ARHGAP28: variants seen among roughly 807,000 people sequenced by gnomAD.
ARHGAP28 encodes the protein rho GTPase-activating protein 28.
A neutral mutation model predicts 90.7 loss-of-function variants in ARHGAP28; 56 were observed. The ratio of observed to expected loss-of-function variants is 0.62; its 90% CI spans 0.50 to 0.77. ARHGAP28 has a LOEUF of 0.77. ARHGAP28 is among the 30% of genes least tolerant of loss of function. The pLI, the probability that ARHGAP28 is intolerant of heterozygous loss-of-function variation, is 0.00. For missense variants in ARHGAP28, 869 were observed against 900.9 expected (o/e 0.96, Z 0.45); for synonymous variants, 308 against 323.3 (o/e 0.95, Z 0.51).
At chr18:6,848,106 T>A (rs1176678052) in intron 3 of ARHGAP28, among the ~76,000 whole-genome samples, 1 of 152,110 alleles carries the variant, frequency 6.6e-6, no homozygotes, top group East Asian at 1.9e-4. Context: ...TCAGTATAAG[T>A]CATATTGTTT....
chr18:6,906,679 T>A (rs1016896169), intron 16 of ARHGAP28, among the ~76,000 whole-genome samples: 9 of 152,154 alleles, frequency 5.9e-5, no homozygotes, highest in African/African-American at 2.2e-4. Context: ...TATAAAACCC[T>A]TAGAAAATAA....
intron 3 of ARHGAP28, among the ~76,000 whole-genome samples, chr18:6,839,432 T>C (rs1296435389): frequency 6.6e-6 from 1 of 152,050 alleles, no homozygotes; most frequent in South Asian, 2.1e-4. Flanking sequence ...TAACTGGGAC[T>C]ATAGGCGCCA....
At chr18:6,794,486 C>T (rs904308656) in intron 1 of ARHGAP28, among the ~76,000 whole-genome samples, 3 of 152,216 alleles carry the variant, frequency 2.0e-5, no homozygotes, top group Admixed American at 1.3e-4. Flanking sequence ...GGTAACAATG[C>T]GCATTACTGC....
chr18:6,814,133 C>T (rs77537875), intron 1 of ARHGAP28, among the ~76,000 whole-genome samples: 3,855 of 152,180 alleles, frequency 0.025, 165 homozygotes, highest in African/African-American at 0.087. Context: ...AAGGTTGATA[C>T]GCCTTCATTC....
intron 4 of ARHGAP28, among the ~76,000 whole-genome samples, chr18:6,852,243 C>T (rs1235596362): frequency 6.6e-6 from 1 of 152,170 alleles, no homozygotes; most frequent in Admixed American, 6.5e-5. Flanking sequence ...AAAATGTTTA[C>T]AGTCCAATCT....
At chr18:6,780,817 G>A (rs1600176860) in intron 1 of ARHGAP28, among the ~76,000 whole-genome samples, 2 of 151,744 alleles carry the variant, frequency 1.3e-5, no homozygotes, top group African/African-American at 4.8e-5. Flanking sequence ...TCTTGAACCC[G>A]GGAGGTGGAG....
chr18:6,899,043 T>G (rs184542249), intron 16 of ARHGAP28, among the ~76,000 whole-genome samples: 2 of 152,268 alleles, frequency 1.3e-5, no homozygotes, highest in Admixed American at 1.3e-4. Context: ...GAAAAAACTT[T>G]TAAAATAATA....
intron 2 of ARHGAP28, among the ~76,000 whole-genome samples, chr18:6,829,252 T>C (rs2056697463): frequency 6.6e-6 from 1 of 152,228 alleles, no homozygotes; most frequent in South Asian, 2.1e-4. Context: ...TCTATCCAGC[T>C]AGCTAGCTAT....
intron 17 of ARHGAP28, among the ~76,000 whole-genome samples, chr18:6,910,659 T>C (rs377641100): frequency 2.0e-5 from 3 of 152,024 alleles, no homozygotes; most frequent in African/African-American, 7.2e-5. Context: ...CTCATGTTCT[T>C]ATCACCAGTG....
chr18:6,858,009 A>C (rs2056967402), intron 4 of ARHGAP28, among the ~76,000 whole-genome samples: 1 of 152,126 alleles, frequency 6.6e-6, no homozygotes, highest in South Asian at 2.1e-4. Flanking sequence ...CTAATGAGGG[A>C]GATAAAAGCT....
intron 1 of ARHGAP28, among the ~76,000 whole-genome samples, chr18:6,824,226 C>A (rs1052904013): frequency 1.8e-4 from 28 of 152,088 alleles, no homozygotes; most frequent in African/African-American, 6.5e-4. Flanking sequence ...TATACGGCCA[C>A]AGAGTCATTA....
Position 6,908,981 on chromosome 18 carries a change from T to G in ARHGAP28, c.2052T>G (p.Ile684Met), listed in dbSNP as rs781314519. 18 of 1,544,372 alleles carry G rather than the reference T, an allele frequency of 1.2e-5. No individual in the cohort carries two copies. Among genetic ancestry groups the G allele is most frequent in the Non-Finnish European group, 1.2e-5 (13 of 1,121,198 alleles). ...YENSHGSSECIKIQNQRLYEI... is the reference protein window; with the variant it reads ...YENSHGSSECMKIQNQRLYEI... ...TCAGTCATGGTTCATCAGAATGTATTAAGATTCAGAACCAAAGGTTATATG... is the reference window on the plus strand; with the variant it reads ...TCAGTCATGGTTCATCAGAATGTATGAAGATTCAGAACCAAAGGTTATATG... The change falls in exon 17 of 18, where the codon ATT becomes ATG. Residue 684 changes from isoleucine to methionine, a missense_variant. Coordinates refer to ENST00000383472, the MANE Select transcript of ARHGAP28 (RefSeq NM_001366230.1).
intron 1 of ARHGAP28, among the ~76,000 whole-genome samples, chr18:6,794,333 A>C (rs2056426595): frequency 6.6e-6 from 1 of 152,234 alleles, no homozygotes; most frequent in African/African-American, 2.4e-5. Context: ...TGACTTCAAA[A>C]ACACTAGAGA....
intron 17 of ARHGAP28, among the ~76,000 whole-genome samples, chr18:6,910,262 A>AC (rs2057388992): frequency 6.6e-6 from 1 of 152,050 alleles, no homozygotes. Context: ...GCTGCTGGAG[A>AC]CCCTGTGCCC....
chr18:6,781,401 C>G (rs1395414419), intron 1 of ARHGAP28, among the ~76,000 whole-genome samples: 1 of 152,176 alleles, frequency 6.6e-6, no homozygotes, highest in Non-Finnish European at 1.5e-5. Context: ...ATCCTTATCT[C>G]CAGCCAGGCA....
intron 3 of ARHGAP28, among the ~76,000 whole-genome samples, chr18:6,846,292 G>A (rs1333678547): frequency 1.3e-5 from 2 of 152,016 alleles, no homozygotes; most frequent in South Asian, 2.1e-4. Flanking sequence ...TGAAGATGGC[G>A]ATGATGATGA....
intron 1 of ARHGAP28, among the ~76,000 whole-genome samples, chr18:6,791,844 T>TTTTGTTTG (rs1395681991): frequency 1.3e-5 from 2 of 152,094 alleles, no homozygotes; most frequent in African/African-American, 4.8e-5. Context: ...TGTGGGTTTT[T>TTTTGTTTG]TTTGTTTGTT....
At chr18:6,783,525 T>C (rs2056342957) in intron 1 of ARHGAP28, among the ~76,000 whole-genome samples, 1 of 144,118 alleles carries the variant, frequency 6.9e-6, no homozygotes, top group South Asian at 2.1e-4. Flanking sequence ...GGTCTTGAAC[T>C]CCTGACCTCA....
intron 16 of ARHGAP28, among the ~76,000 whole-genome samples, chr18:6,908,366 T>TGACCTCA (rs1232720486): frequency 6.6e-6 from 1 of 152,060 alleles, no homozygotes; most frequent in East Asian, 1.9e-4. Context: ...CTCAAACTCC[T>TGACCTCA]GACCTCAGAT....
Sources: gnomAD v4.1 joint callset for allele counts (sites outside exome capture counted in the v4.1 genomes callset) on GRCh38, gnomAD v4.1.1 for gene constraint, MANE v1.5 for transcripts, NCBI Gene and HGNC (gene_info 2026-07-23, HGNC 2026-07-21) for gene names.